GAS1: variants seen among roughly 807,000 people sequenced by gnomAD.
The protein encoded by GAS1 is growth arrest specific 1.
In GAS1, 10 loss-of-function variants were observed where a neutral mutation model predicts 21.6. The observed-to-expected ratio is 0.46, with a 90% CI of 0.29 to 0.79. GAS1 has a LOEUF of 0.79. Ranked by LOEUF, GAS1 falls within the 30% of genes least tolerant of loss-of-function variation. The pLI is 0.10. For synonymous variants in GAS1, 332 were observed against 264.0 expected (o/e 1.26, Z -2.50); for missense variants, 567 against 544.3 (o/e 1.04, Z -0.42).
chr9:86,946,291 G>A lies in GAS1; in HGVS notation c.489C>T (p.Val163=). The A allele has an allele frequency of 6.9e-7, 1 of 1,455,002 alleles. No individual in the cohort carries two copies. The highest frequency in any genetic ancestry group is 1.3e-5 in the South Asian group (1 of 74,396). 90.1% of individuals were successfully genotyped at this position (1,455,002 alleles called of 1,614,324 possible). The change falls in exon 1 of 1, where the codon GTC becomes GTT. Residue 163 remains valine, a synonymous_variant. Coordinates refer to ENST00000298743, the MANE Select transcript of GAS1 (RefSeq NM_002048.3). This position sits in a 1 kb window ranked among gnomAD's most constrained non-coding sequence, Gnocchi z 5.2. ...GCCGCCGGGCCTCGGTGCAGCCCAT[G>A]ACCCCGCCCGCGCCGGGGCCGCCCG... ...GGAGGPGAGG[V]MGCTEARRRC...
At position 86,945,029 on chromosome 9, in the gene GAS1, C is replaced by T. The variant is rs1395986051; in HGVS notation, c.*713G>A. ...AACCCCTTAGATCAGCATTTTTGGA[C>T]CCTTAATCCTAAGAAATGTGCTAAG... On this transcript the variant is annotated 3_prime_UTR_variant, in exon 1 of 1. Coordinates refer to ENST00000298743, the MANE Select transcript of GAS1 (RefSeq NM_002048.3). 1.3e-5 allele frequency: 2 copies of T among 152,056 alleles called. No individual in the cohort carries two copies. The highest frequency in any genetic ancestry group is 4.8e-5 in the African/African-American group (2 of 41,386). 9.4% of individuals were successfully genotyped at this position (152,056 alleles called of 1,614,324 possible).
chr9:86,945,643 T>A lies in GAS1; in HGVS notation c.*99A>T. 1 of 1,225,432 alleles carries A rather than the reference T, an allele frequency of 8.2e-7. No individual in the cohort carries two copies. The highest frequency in any genetic ancestry group is 1.1e-6 in the Non-Finnish European group (1 of 931,138). 75.9% of individuals were successfully genotyped at this position (1,225,432 alleles called of 1,614,324 possible). On this transcript the variant is annotated 3_prime_UTR_variant, in exon 1 of 1. Transcript: ENST00000298743. ...TTTGGGAAGTATCCCCAACCATCCCTTCTATCTGTCCCAAGCCACAGGTGC... is the reference window on the plus strand; with the variant it reads ...TTTGGGAAGTATCCCCAACCATCCCATCTATCTGTCCCAAGCCACAGGTGC...
At position 86,946,877 on chromosome 9, in the gene GAS1, C is replaced by A. The variant is rs1266248335; in HGVS notation, c.-98G>T. The A allele has an allele frequency of 8.2e-5, 31 of 380,034 alleles. No individual in the cohort carries two copies. Among genetic ancestry groups the A allele is most frequent in the Non-Finnish European group, 1.4e-4 (30 of 208,108 alleles). 23.5% of individuals were successfully genotyped at this position (380,034 alleles called of 1,614,324 possible). ...GTGGAAAAGTTTGTCCAAGTCCTGC[C>A]CACTTCTTGCATGAGTGTCTTCATA... On this transcript the variant is annotated 5_prime_UTR_variant, in exon 1 of 1. Coordinates refer to ENST00000298743, the MANE Select transcript of GAS1 (RefSeq NM_002048.3). The surrounding 1 kb of genome is among the most constrained non-coding windows in gnomAD (Gnocchi z 5.2).
In GAS1 at chr9:86,946,173, A is replaced by T. The variant is rs763173224; in HGVS notation, c.607T>A (p.Cys203Ser). Residue 203 changes from cysteine (C) to serine (S), a missense_variant, in exon 1 of 1, where the codon TGC becomes AGC. Physicochemically the swap from Cys to Ser is moderately radical, Grantham distance 112 (BLOSUM62 -1). Transcript: ENST00000298743. The surrounding 1 kb of genome is among the most constrained non-coding windows in gnomAD (Gnocchi z 5.2). Reference sequence around the variant, plus strand: ...AGCATGTCCTCAATGACGGTGCGGCATTCGTCCGTGCAGCGCAGCCCGTTG... The same window carrying T: ...AGCATGTCCTCAATGACGGTGCGGCTTTCGTCCGTGCAGCGCAGCCCGTTG... ...VFNGLRCTDE[C>S]RTVIEDMLAM... 6.2e-7 allele frequency: 1 copy of T among 1,607,182 alleles called. No individual in the cohort carries two copies.
Position 86,945,672 on chromosome 9 carries a change from G to C in GAS1, c.*70C>G. 1 of 1,409,906 alleles carries C rather than the reference G, an allele frequency of 7.1e-7. No individual in the cohort carries two copies. The highest frequency in any genetic ancestry group is 9.4e-7 in the Non-Finnish European group (1 of 1,068,764). The allele number at this position is 1,409,906 out of a possible 1,614,324, so 87.3% of individuals were successfully genotyped here. A position where few individuals can be genotyped will look rare whatever the true frequency, so the allele number is the denominator to read the frequency against. ...ATCTGTCCCAAGCCACAGGTGCCCG[G>C]CGCGGGGTCGAGGCGAGCACGGGAG... On this transcript the variant is annotated 3_prime_UTR_variant, in exon 1 of 1. Transcript: ENST00000298743.
Position 86,946,318 on chromosome 9 carries a change from G to C in GAS1, c.462C>G (p.Gly154=). ...CCCCGCCCGCGCCGGGGCCGCCCGC[G>C]CCGCCGCCGCTCGTCCGGGGCAGGC... ...EPCLPRTSGG[G]AGGPGAGGVM... Residue 154 remains glycine (G), a synonymous_variant, in exon 1 of 1, where the codon GGC becomes GGG. Coordinates refer to ENST00000298743, the MANE Select transcript of GAS1 (RefSeq NM_002048.3). The surrounding 1 kb of genome is among the most constrained non-coding windows in gnomAD (Gnocchi z 5.2). 7.1e-7 allele frequency: 1 copy of C among 1,404,540 alleles called. No homozygotes were observed. Among genetic ancestry groups the C allele is most frequent in the South Asian group, 1.5e-5 (1 of 66,090 alleles). The allele number at this position is 1,404,540 out of a possible 1,614,324, so 87.0% of individuals were successfully genotyped here. A position where few individuals can be genotyped will look rare whatever the true frequency, so the allele number is the denominator to read the frequency against.
chr9:86,946,201 G>C lies in GAS1; in HGVS notation c.579C>G (p.Val193=), dbSNP rs1307474061. 1 of 1,602,096 alleles carries C rather than the reference G, an allele frequency of 6.2e-7. No individual in the cohort carries two copies. The highest frequency in any genetic ancestry group is 8.5e-7 in the Non-Finnish European group (1 of 1,178,878). The change falls in exon 1 of 1, where the codon GTC becomes GTG. Residue 193 remains valine, a synonymous_variant. Transcript: ENST00000298743. The surrounding 1 kb of genome is among the most constrained non-coding windows in gnomAD (Gnocchi z 5.2). Reference sequence around the variant, plus strand: ...CGTCCGTGCAGCGCAGCCCGTTGAAGACTTTGCCGCAGTAGGTCAGGTAGC... The same window carrying C: ...CGTCCGTGCAGCGCAGCCCGTTGAACACTTTGCCGCAGTAGGTCAGGTAGC... ...LSRYLTYCGK[V]FNGLRCTDEC...
In GAS1 at chr9:86,945,617, TTTTGGGA is replaced by T. The variant is rs1310251535; in HGVS notation, c.*118_*124del. ...CTACACCAAGTTGACTTGGAAAAAG[TTTTGGGA>T]AGTATCCCCAACCATCCCTTCTATC... On this transcript the variant is annotated 3_prime_UTR_variant, in exon 1 of 1. Transcript: ENST00000298743. The T allele has an allele frequency of 1.0e-6, 1 of 961,258 alleles. No individual in the cohort carries two copies. The highest frequency in any genetic ancestry group is 1.4e-6 in the Non-Finnish European group (1 of 718,016). The allele number at this position is 961,258 out of a possible 1,614,324, so 59.5% of individuals were successfully genotyped here.
At position 86,946,573 on chromosome 9, in the gene GAS1, G is replaced by C. The variant is rs1199743067; in HGVS notation, c.207C>G (p.Ala69=). 4.2e-6 allele frequency: 6 copies of C among 1,411,988 alleles called. No individual in the cohort carries two copies. The South Asian group carries it at 7.3e-5, about 17-fold the overall frequency. 87.5% of individuals were successfully genotyped at this position (1,411,988 alleles called of 1,614,324 possible). ...PECSYAYNQY[A]EACAPVLAQH... is the part of the protein sequence containing the mutation. ...GCGCCAGCACCGGCGCGCACGCCTC[G>C]GCGTACTGGTTGTAGGCGTAGCTGC... Residue 69 remains alanine, a synonymous_variant, in exon 1 of 1, where the codon GCC becomes GCG. Coordinates refer to ENST00000298743, the MANE Select transcript of GAS1 (RefSeq NM_002048.3). This position sits in a 1 kb window ranked among gnomAD's most constrained non-coding sequence, Gnocchi z 5.2.
chr9:86,945,745 A>G lies in GAS1; in HGVS notation c.1035T>C (p.Phe345=), dbSNP rs767136300. ...SILLLLLGPL[F] ...CCAACGGCGGGGGGCGCGAGGGCTAAAAGAGCGGCCCAAGCAGCAGCAGCA... is the reference window on the plus strand; with the variant it reads ...CCAACGGCGGGGGGCGCGAGGGCTAGAAGAGCGGCCCAAGCAGCAGCAGCA... The change falls in exon 1 of 1, where the codon TTT becomes TTC. Residue 345 remains phenylalanine, a synonymous_variant. Transcript: ENST00000298743. The G allele has an allele frequency of 3.3e-6, 5 of 1,531,034 alleles. No individual in the cohort carries two copies. The South Asian group carries it at 6.1e-5, about 19-fold the overall frequency. 94.8% of individuals were successfully genotyped at this position (1,531,034 alleles called of 1,614,324 possible). A position where few individuals can be genotyped will look rare whatever the true frequency, so the allele number is the denominator to read the frequency against.
chr9:86,946,796 C>A lies in GAS1; in HGVS notation c.-17G>T. 1.3e-6 allele frequency: 1 copy of A among 793,638 alleles called. No homozygotes were observed. Among genetic ancestry groups the A allele is most frequent in the Non-Finnish European group, 1.8e-6 (1 of 559,216 alleles). The allele number at this position is 793,638 out of a possible 1,614,324, so 49.2% of individuals were successfully genotyped here. On this transcript the variant is annotated 5_prime_UTR_variant, in exon 1 of 1. Coordinates refer to ENST00000298743, the MANE Select transcript of GAS1 (RefSeq NM_002048.3). The surrounding 1 kb of genome is among the most constrained non-coding windows in gnomAD (Gnocchi z 5.2). The stretch of plus-strand genomic sequence containing the variant: ...GGCCACCATCGCGGGCAGCGGCGGC[C>A]GCCGGGAGAGGAGGGGAAAGGAGAC...
In GAS1 at chr9:86,945,729, G is replaced by T. The variant is rs999189343; in HGVS notation, c.*13C>A. 2.0e-6 allele frequency: 3 copies of T among 1,528,464 alleles called. No individual in the cohort carries two copies. Among genetic ancestry groups the T allele is most frequent in the Admixed American group, 2.0e-5 (1 of 49,708 alleles). The allele number at this position is 1,528,464 out of a possible 1,614,324, so 94.7% of individuals were successfully genotyped here. A position where few individuals can be genotyped will look rare whatever the true frequency, so the allele number is the denominator to read the frequency against. The stretch of plus-strand genomic sequence containing the variant: ...GCGGGCTCTCCCGCAGCCAACGGCG[G>T]GGGGCGCGAGGGCTAAAAGAGCGGC... On this transcript the variant is annotated 3_prime_UTR_variant, in exon 1 of 1. Coordinates refer to ENST00000298743, the MANE Select transcript of GAS1 (RefSeq NM_002048.3).
In GAS1 at chr9:86,945,013, G is replaced by C. The variant is rs1825460561; in HGVS notation, c.*729C>G. ...TGTTCAACACCATGGCAACCCCTTA[G>C]ATCAGCATTTTTGGACCCTTAATCC... On this transcript the variant is annotated 3_prime_UTR_variant, in exon 1 of 1. Transcript: ENST00000298743. 1 of 152,120 alleles carries C rather than the reference G, an allele frequency of 6.6e-6. No homozygotes were observed. Among genetic ancestry groups the C allele is most frequent in the Non-Finnish European group, 1.5e-5 (1 of 68,016 alleles). The allele number at this position is 152,120 out of a possible 1,614,324, so 9.4% of individuals were successfully genotyped here.
Position 86,944,858 on chromosome 9 carries a change from C to A in GAS1, c.*884G>T, listed in dbSNP as rs527650950. ...TTAGCAACCCTGATAGGAGCAGAGGCAATATACATTCTCCGCATATTTAAA... is the reference window on the plus strand; with the variant it reads ...TTAGCAACCCTGATAGGAGCAGAGGAAATATACATTCTCCGCATATTTAAA... On this transcript the variant is annotated 3_prime_UTR_variant, in exon 1 of 1. Transcript: ENST00000298743. 3.3e-5 allele frequency: 5 copies of A among 152,204 alleles called. No homozygotes were observed. The highest frequency in any genetic ancestry group is 1.2e-4 in the African/African-American group (5 of 41,520). 9.4% of individuals were successfully genotyped at this position (152,204 alleles called of 1,614,324 possible). A position where few individuals can be genotyped will look rare whatever the true frequency, so the allele number is the denominator to read the frequency against.
chr9:86,945,539 G>A lies in GAS1; in HGVS notation c.*203C>T. The A allele has an allele frequency of 2.3e-6, 1 of 440,432 alleles. No individual in the cohort carries two copies. The allele number at this position is 440,432 out of a possible 1,614,324, so 27.3% of individuals were successfully genotyped here. A position where few individuals can be genotyped will look rare whatever the true frequency, so the allele number is the denominator to read the frequency against. On this transcript the variant is annotated 3_prime_UTR_variant, in exon 1 of 1. Coordinates refer to ENST00000298743, the MANE Select transcript of GAS1 (RefSeq NM_002048.3). The stretch of plus-strand genomic sequence containing the variant: ...CGGGGGAGGAGGTCCAAGAAGTCAA[G>A]CTCCGGAGAGGAGCTTCAGGGGAAG...
Position 86,945,646 on chromosome 9 carries a change from T to C in GAS1, c.*96A>G. The C allele has an allele frequency of 4.0e-6, 5 of 1,259,458 alleles. No homozygotes were observed. Among genetic ancestry groups the C allele is most frequent in the African/African-American group, 1.6e-5 (1 of 62,914 alleles). The allele number at this position is 1,259,458 out of a possible 1,614,324, so 78.0% of individuals were successfully genotyped here. A position where few individuals can be genotyped will look rare whatever the true frequency, so the allele number is the denominator to read the frequency against. ...GGGAAGTATCCCCAACCATCCCTTC[T>C]ATCTGTCCCAAGCCACAGGTGCCCG... On this transcript the variant is annotated 3_prime_UTR_variant, in exon 1 of 1. Transcript: ENST00000298743.
chr9:86,945,512 G>A lies in GAS1; in HGVS notation c.*230C>T, dbSNP rs562368907. 25 of 405,232 alleles carry A rather than the reference G, an allele frequency of 6.2e-5. No homozygotes were observed. The highest frequency in any genetic ancestry group is 5.3e-4 in the African/African-American group (25 of 47,344). 25.1% of individuals were successfully genotyped at this position (405,232 alleles called of 1,614,324 possible). The stretch of plus-strand genomic sequence containing the variant: ...GGGAGTTTCTGGAGCTTGGAATTGG[G>A]GCGGGGGAGGAGGTCCAAGAAGTCA... On this transcript the variant is annotated 3_prime_UTR_variant, in exon 1 of 1. Transcript: ENST00000298743.
Position 86,945,463 on chromosome 9 carries a change from A to C in GAS1, c.*279T>G. On this transcript the variant is annotated 3_prime_UTR_variant, in exon 1 of 1. Coordinates refer to ENST00000298743, the MANE Select transcript of GAS1 (RefSeq NM_002048.3). ...CCCGGACGTCCTGAACACTGCAGCTAGCTTTCTGGACGGCAGACGAGTTGG... is the reference window on the plus strand; with the variant it reads ...CCCGGACGTCCTGAACACTGCAGCTCGCTTTCTGGACGGCAGACGAGTTGG... 3.0e-6 allele frequency: 1 copy of C among 334,106 alleles called. No individual in the cohort carries two copies. Among genetic ancestry groups the C allele is most frequent in the Non-Finnish European group, 5.4e-6 (1 of 186,034 alleles). 20.7% of individuals were successfully genotyped at this position (334,106 alleles called of 1,614,324 possible).
Position 86,946,505 on chromosome 9 carries a change from A to G in GAS1, c.275T>C (p.Phe92Ser). ...CGAGAAAGAGGCGGCCGAGGCCGGG[A>G]AAGCGGCGGCGGCGGCCCCGGGCGC... Reference protein sequence around the residue: ...GDAPGAAAAAFPASAASFSSR... With the variant: ...GDAPGAAAAASPASAASFSSR... The change falls in exon 1 of 1, where the codon TTC becomes TCC. Residue 92 changes from phenylalanine (F) to serine (S), a missense_variant. Physicochemically the swap from Phe to Ser is radical, Grantham distance 155. Coordinates refer to ENST00000298743, the MANE Select transcript of GAS1 (RefSeq NM_002048.3). The surrounding 1 kb of genome is among the most constrained non-coding windows in gnomAD (Gnocchi z 5.2). 9 of 1,442,336 alleles carry G rather than the reference A, an allele frequency of 6.2e-6. No individual in the cohort carries two copies. Among genetic ancestry groups the G allele is most frequent in the Non-Finnish European group, 7.3e-6 (8 of 1,099,086 alleles). The allele number at this position is 1,442,336 out of a possible 1,614,324, so 89.3% of individuals were successfully genotyped here.
Sources: gnomAD v4.1 joint callset for allele counts on GRCh38, gnomAD v4.1.1 for gene constraint, Gnocchi (gnomAD v3.1) non-coding constraint, MANE v1.5 for transcripts, NCBI Gene and HGNC (gene_info 2026-07-23, HGNC 2026-07-21) for gene names.